The following ACTR1A variants were observed in gnomAD, a reference collection of about 807,000 sequenced individuals.
The protein encoded by ACTR1A is alpha-centractin.
ACTR1A carries 10 observed loss-of-function variants against 50.7 expected under a neutral mutation model. The ratio of observed to expected loss-of-function variants is 0.20; its 90% CI spans 0.12 to 0.33. The LOEUF is 0.33. Among genes scored for constraint, ACTR1A ranks in the 10% least tolerant of loss-of-function variants. The pLI, the probability that ACTR1A is intolerant of heterozygous loss-of-function variation, is 1.00. For missense variants in ACTR1A, 253 were observed against 491.7 expected, an observed-to-expected ratio of 0.51 and a Z score of 4.59; for synonymous variants, 177 against 184.2, an observed-to-expected ratio of 0.96 and a Z score of 0.32.
At chr10:102,496,250 A>T (rs1220078686) in intron 1 of ACTR1A, among the ~76,000 whole-genome samples, 2 of 152,212 alleles carry the variant, frequency 1.3e-5, no homozygotes, top group Non-Finnish European at 2.9e-5. Context: ...CATGGGGACA[A>T]TTGGATAGAA....
chr10:102,483,192 A>T, intron 6 of ACTR1A, 89 bp from the exon 7 acceptor site: 1 of 987,046 alleles, frequency 1.0e-6, no homozygotes, highest in Non-Finnish European at 1.6e-6. Context: ...TGCTGCACAA[A>T]CCTGTCTAAA....
At chr10:102,486,886 A>G (rs1307832411) in intron 4 of ACTR1A, among the ~76,000 whole-genome samples, 1 of 151,426 alleles carries the variant, frequency 6.6e-6, no homozygotes, top group Non-Finnish European at 1.5e-5. Flanking sequence ...CCCCAGGCTC[A>G]AGCAGTCCTC....
chr10:102,484,137 T>C, intron 6 of ACTR1A, 23 bp downstream of exon 6: 1 of 1,611,324 alleles, frequency 6.2e-7, no homozygotes, highest in Non-Finnish European at 8.5e-7. Context: ...ACTCCATCCC[T>C]AGGCCCAGGG....
chr10:102,497,239 G>A (rs2062226858), intron 1 of ACTR1A, among the ~76,000 whole-genome samples: 1 of 151,916 alleles, frequency 6.6e-6, no homozygotes, highest in Non-Finnish European at 1.5e-5. Flanking sequence ...GAAAAGATTG[G>A]CCAAGAGTTT....
At chr10:102,481,449 C>A (rs2062141803) in intron 9 of ACTR1A, among the ~76,000 whole-genome samples, 1 of 152,208 alleles carries the variant, frequency 6.6e-6, no homozygotes, top group Non-Finnish European at 1.5e-5. Flanking sequence ...CCGCTCTCCT[C>A]AGACAGCCAA....
At chr10:102,492,768 G>A (rs543373552) in intron 1 of ACTR1A, among the ~76,000 whole-genome samples, 6 of 152,182 alleles carry the variant, frequency 3.9e-5, no homozygotes, top group African/African-American at 1.4e-4. Context: ...GTGGGAGGCC[G>A]AAGCGGGGCA....
chr10:102,488,341 C>T lies in ACTR1A; in HGVS notation c.190-66G>A, dbSNP rs2062178688. The T allele has an allele frequency of 6.3e-7, 1 of 1,587,100 alleles. No homozygotes were observed. Among genetic ancestry groups the T allele is most frequent in the Non-Finnish European group, 8.6e-7 (1 of 1,158,062 alleles). ...CACCCAGGACCCTGTTCTCCCAAGA[C>T]TAAGCAGTGCAAGCTGAATCCCTTG... On this transcript the variant is annotated intron_variant, in intron 3 of 10. Coordinates refer to ENST00000369905, the MANE Select transcript of ACTR1A (RefSeq NM_005736.4). This position sits in a 1 kb window ranked among gnomAD's most constrained non-coding sequence, Gnocchi z 4.4.
rs398014648 is a variant in ACTR1A at position 102,493,001 on chromosome 10, C to CAAAAAAAAAAA, written c.49-2399_49-2389dup. On this transcript the variant is annotated intron_variant, in intron 1 of 10. Transcript: ENST00000369905. ...AGGGAGACAGAGTGAGACTCCACCT[C>CAAAAAAAAAAA]AAAAAAAAAAAAAAAAAAAAAAAGA... Among the ~76,000 whole-genome samples the CAAAAAAAAAAA allele has an allele frequency of 3.1e-3, 154 of 48,902 alleles. 4 individuals carry two copies. The highest frequency in any genetic ancestry group is 6.3e-3 in the African/African-American group (66 of 10,506). 32.1% of individuals were successfully genotyped at this position (48,902 alleles called of 152,430 possible). A position where few individuals can be genotyped will look rare whatever the true frequency, so the allele number is the denominator to read the frequency against.
rs565399389 is a variant in ACTR1A at position 102,492,447 on chromosome 10, C to G, written c.49-1834G>C. On this transcript the variant is annotated intron_variant, in intron 1 of 10. Transcript: ENST00000369905. Reference sequence around the variant, plus strand: ...ACCCAACATGGTTTGCAGCTGCACCCGTAGCTGGGGCAAGCCTTTTCCTGC... The same window carrying G: ...ACCCAACATGGTTTGCAGCTGCACCGGTAGCTGGGGCAAGCCTTTTCCTGC... 2.0e-5 allele frequency among the ~76,000 whole-genome samples: 3 copies of G among 152,228 alleles called. No individual in the cohort carries two copies. The East Asian group carries it at 5.8e-4, about 29-fold the overall frequency.
At chr10:102,499,896 A>G (rs1474057883) in intron 1 of ACTR1A, among the ~76,000 whole-genome samples, 1 of 152,250 alleles carries the variant, frequency 6.6e-6, no homozygotes, top group Non-Finnish European at 1.5e-5. Context: ...TTACTTTGAT[A>G]GAGATATTCA....
chr10:102,486,973 T>C (rs936215071), intron 4 of ACTR1A, among the ~76,000 whole-genome samples: 2 of 151,872 alleles, frequency 1.3e-5, no homozygotes, highest in Non-Finnish European at 2.9e-5. Context: ...TTTCATATTT[T>C]TAGTAGAGGT....
At chr10:102,497,652 A>G (rs981939138) in intron 1 of ACTR1A, among the ~76,000 whole-genome samples, 1 of 150,380 alleles carries the variant, frequency 6.6e-6, no homozygotes, top group Non-Finnish European at 1.5e-5. Context: ...AAGGAGCACA[A>G]TTTTTTTTTT....
At chr10:102,501,618 C>A (rs529900866) in intron 1 of ACTR1A, among the ~76,000 whole-genome samples, 1 of 152,314 alleles carries the variant, frequency 6.6e-6, no homozygotes, top group African/African-American at 2.4e-5. Context: ...CATGGTGGTG[C>A]TGGCAAAAGG....
At chr10:102,492,069 CTTTT>C (rs71016386) in intron 1 of ACTR1A, among the ~76,000 whole-genome samples, 8 of 92,340 alleles carry the variant, frequency 8.7e-5, no homozygotes, top group African/African-American at 2.3e-4. Flanking sequence ...CGTGCCCGGC[CTTTT>C]TTTTTTTTTT....
chr10:102,483,253 A>T, intron 6 of ACTR1A, 150 bp from the exon 7 acceptor site: 1 of 681,542 alleles, frequency 1.5e-6, no homozygotes, highest in Non-Finnish European at 2.7e-6. Context: ...AAGCAGGGGC[A>T]GTGAGGTCTC....
At chr10:102,490,641 G>T in intron 1 of ACTR1A, 28 bp from the exon 2 acceptor site, 1 of 1,547,506 alleles carries the variant, frequency 6.5e-7, no homozygotes, top group Non-Finnish European at 8.9e-7. Flanking sequence ...AGAATGAGGA[G>T]TCAGAACTAT....
chr10:102,485,147 CCT>C (rs1244096264), intron 5 of ACTR1A, among the ~76,000 whole-genome samples: 3 of 151,986 alleles, frequency 2.0e-5, no homozygotes, highest in African/African-American at 7.3e-5. Context: ...CTGCCGTAGA[CCT>C]CACTCTGGTG....
At chr10:102,486,713 AC>A (rs1375561704) in intron 4 of ACTR1A, among the ~76,000 whole-genome samples, 1 of 151,814 alleles carries the variant, frequency 6.6e-6, no homozygotes, top group African/African-American at 2.4e-5. Context: ...AACAAAAAAA[AC>A]CCAAAACTGA....
chr10:102,496,917 G>A lies in ACTR1A; in HGVS notation c.48+5683C>T, dbSNP rs751034609. ...TGTGGGGCTGGGCGTGGTGGCTCAC[G>A]CCTATAATCCTAGCACATTGGGAGG... On this transcript the variant is annotated intron_variant, in intron 1 of 10. Coordinates refer to ENST00000369905, the MANE Select transcript of ACTR1A (RefSeq NM_005736.4). Among the ~76,000 whole-genome samples the A allele has an allele frequency of 2.6e-5, 4 of 152,134 alleles. No homozygotes were observed. The South Asian group carries it at 8.3e-4, about 31-fold the overall frequency.
Sources: gnomAD v4.1 joint callset for allele counts (sites outside exome capture counted in the v4.1 genomes callset) on GRCh38, gnomAD v4.1.1 for gene constraint, Gnocchi (gnomAD v3.1) non-coding constraint, MANE v1.5 for transcripts, NCBI Gene and HGNC (gene_info 2026-07-23, HGNC 2026-07-21) for gene names.